Variants in ACTR3B observed in about 807,000 individuals in gnomAD.
ACTR3B encodes the protein actin-related protein 3B.
ACTR3B carries 8 observed loss-of-function variants against 59.0 expected under a neutral mutation model. The observed-to-expected ratio is 0.14, with a 90% CI of 0.08 to 0.24. ACTR3B has a LOEUF of 0.24. Ranked by LOEUF, ACTR3B falls within the 10% of genes least tolerant of loss-of-function variation. ACTR3B has a pLI of 1.00. For missense variants in ACTR3B, 245 were observed against 552.3 expected, an observed-to-expected ratio of 0.44 and a Z score of 5.58; for synonymous variants, 148 against 197.9, an observed-to-expected ratio of 0.75 and a Z score of 2.12.
chr7:152,784,633 A>C (rs987951419), intron 2 of ACTR3B, among the ~76,000 whole-genome samples: 2 of 152,120 alleles, frequency 1.3e-5, no homozygotes, highest in African/African-American at 4.8e-5. Flanking sequence ...TGGGGAAATT[A>C]ATGTTATCAT....
chr7:152,811,952 A>G (rs1443949600), intron 4 of ACTR3B: 1 of 130,500 alleles, frequency 7.7e-6, no homozygotes, highest in Non-Finnish European at 1.7e-5. Context: ...GCTCAACTTG[A>G]TAACATTTTT....
At chr7:152,825,261 A>G (rs1796478972) in intron 9 of ACTR3B, 139 bp downstream of exon 9, 1 of 898,730 alleles carries the variant, frequency 1.1e-6, no homozygotes, top group South Asian at 2.6e-5. Flanking sequence ...TAAAGACAAT[A>G]TAATTGTAAG....
At chr7:152,786,422 G>A (rs769791778) in intron 2 of ACTR3B, 11 of 225,802 alleles carry the variant, frequency 4.9e-5, no homozygotes, top group South Asian at 2.8e-4. Context: ...GGATGGTGGC[G>A]GGTGCCTGTA....
intron 9 of ACTR3B, among the ~76,000 whole-genome samples, chr7:152,830,013 TAACTC>T (rs1487421413): frequency 6.6e-6 from 1 of 152,186 alleles, no homozygotes; most frequent in Non-Finnish European, 1.5e-5. Flanking sequence ...AATACGGAAA[TAACTC>T]TAATGGGAAC....
chr7:152,767,721 A>AT (rs1461850956), intron 1 of ACTR3B, among the ~76,000 whole-genome samples: 11 of 150,434 alleles, frequency 7.3e-5, no homozygotes, highest in South Asian at 4.2e-4. Context: ...TATGTATTTG[A>AT]TTTTTTTTTG....
chr7:152,797,718 AT>A (rs2098222220), intron 2 of ACTR3B, among the ~76,000 whole-genome samples: 2 of 152,126 alleles, frequency 1.3e-5, no homozygotes, highest in Admixed American at 1.3e-4. Context: ...TGTAACCACC[AT>A]TCTATAGCCT....
chr7:152,829,258 G>A (rs971295389), intron 9 of ACTR3B, among the ~76,000 whole-genome samples: 6 of 151,944 alleles, frequency 3.9e-5, no homozygotes, highest in Non-Finnish European at 5.9e-5. Flanking sequence ...CCACTACACC[G>A]TACCCTCTTC....
chr7:152,835,563 A>C (rs773435602), intron 9 of ACTR3B, among the ~76,000 whole-genome samples: 3 of 152,194 alleles, frequency 2.0e-5, no homozygotes, highest in Non-Finnish European at 4.4e-5. Context: ...AGAGACACGA[A>C]GTGAGCGTGT....
intron 1 of ACTR3B, among the ~76,000 whole-genome samples, chr7:152,764,163 G>A (rs75256223): frequency 0.41 from 62,320 of 150,940 alleles, 13,554 homozygotes; most frequent in Non-Finnish European, 0.47. Context: ...ACACCACCAC[G>A]CATGGCTGTT....
At position 152,759,767 on chromosome 7, in the gene ACTR3B, A is replaced by G; in HGVS notation, c.-116A>G. 2 of 822,882 alleles carry G rather than the reference A, an allele frequency of 2.4e-6. No homozygotes were observed. Among genetic ancestry groups the G allele is most frequent in the Non-Finnish European group, 3.0e-6 (2 of 660,214 alleles). 51.0% of individuals were successfully genotyped at this position (822,882 alleles called of 1,614,324 possible). ...GCCGCCGAGCATCCGGGCTCCCGGC[A>G]GCGGCGCTGCGGCGGCTCGCGGGAG... On this transcript the variant is annotated 5_prime_UTR_variant, in exon 1 of 12. Transcript: ENST00000256001.
intron 1 of ACTR3B, among the ~76,000 whole-genome samples, chr7:152,774,898 A>G (rs1330115457): frequency 2.0e-5 from 3 of 152,168 alleles, no homozygotes; most frequent in Non-Finnish European, 4.4e-5. Context: ...TCTGGGAACA[A>G]TTTTACTTTT....
rs540833114 is a variant in ACTR3B at position 152,854,680 on chromosome 7, C to T, written c.*127C>T. 22 of 997,688 alleles carry T rather than the reference C, an allele frequency of 2.2e-5. No individual in the cohort carries two copies. Among genetic ancestry groups the T allele is most frequent in the Middle Eastern group, 3.0e-4 (1 of 3,286 alleles). The allele number at this position is 997,688 out of a possible 1,614,324, so 61.8% of individuals were successfully genotyped here. On this transcript the variant is annotated 3_prime_UTR_variant, in exon 12 of 12. Transcript: ENST00000256001. The surrounding 1 kb of genome is among the most constrained non-coding windows in gnomAD (Gnocchi z 4.9). Reference sequence around the variant, plus strand: ...CTGCCCAGCAGCGTGCTTGCATTGCCGGTGCATGAGGCGCGGCGCGGGCCC... The same window carrying T: ...CTGCCCAGCAGCGTGCTTGCATTGCTGGTGCATGAGGCGCGGCGCGGGCCC...
At chr7:152,764,902 A>G (rs2098103293) in intron 1 of ACTR3B, among the ~76,000 whole-genome samples, 1 of 151,982 alleles carries the variant, frequency 6.6e-6, no homozygotes, top group South Asian at 2.1e-4. Flanking sequence ...ATGATATCTT[A>G]ATGTCTTTGT....
chr7:152,765,003 C>T (rs915486527), intron 1 of ACTR3B, among the ~76,000 whole-genome samples: 8 of 152,086 alleles, frequency 5.3e-5, no homozygotes, highest in Non-Finnish European at 1.2e-4. Flanking sequence ...TTGGAGTGAG[C>T]ATCCTCCAAA....
At chr7:152,825,564 G>A (rs1414411909) in intron 9 of ACTR3B, among the ~76,000 whole-genome samples, 8 of 151,918 alleles carry the variant, frequency 5.3e-5, no homozygotes, top group East Asian at 1.9e-4. Context: ...CAATCCACCC[G>A]CCTTGGCCTC....
At chr7:152,845,538 C>T (rs1159964877) in intron 9 of ACTR3B, among the ~76,000 whole-genome samples, 1 of 152,218 alleles carries the variant, frequency 6.6e-6, no homozygotes, top group African/African-American at 2.4e-5. Flanking sequence ...TGACGTTTCA[C>T]GGTGAGGAAG....
Position 152,854,557 on chromosome 7 carries a change from C to T in ACTR3B, c.*4C>T. 6.2e-7 allele frequency: 1 copy of T among 1,613,812 alleles called. No homozygotes were observed. Among genetic ancestry groups the T allele is most frequent in the Non-Finnish European group, 8.5e-7 (1 of 1,179,806 alleles). On this transcript the variant is annotated 3_prime_UTR_variant, in exon 12 of 12. Coordinates refer to ENST00000256001, the MANE Select transcript of ACTR3B (RefSeq NM_020445.6). The surrounding 1 kb of genome is among the most constrained non-coding windows in gnomAD (Gnocchi z 4.9). The stretch of plus-strand genomic sequence containing the variant: ...CGTCTTTGGAGTCATGTCCTAGTGT[C>T]TGCCTGAACGCGTCGTTCGATGGTG...
intron 2 of ACTR3B, among the ~76,000 whole-genome samples, chr7:152,791,351 A>G (rs548344725): frequency 1.3e-5 from 2 of 152,292 alleles, no homozygotes; most frequent in East Asian, 1.9e-4. Flanking sequence ...TTGATTCATC[A>G]TTATAGCTGA....
At position 152,829,580 on chromosome 7, in the gene ACTR3B, G is replaced by A. The variant is rs576750089; in HGVS notation, c.951+4458G>A. Among the ~76,000 whole-genome samples the A allele has an allele frequency of 3.6e-4, 55 of 152,236 alleles. 1 individual carries two copies. Among genetic ancestry groups the A allele is most frequent in the Admixed American group, 3.3e-3 (51 of 15,300 alleles). On this transcript the variant is annotated intron_variant, in intron 9 of 11. Coordinates refer to ENST00000256001, the MANE Select transcript of ACTR3B (RefSeq NM_020445.6). ...GGGTGGGGCCTGCGGGGAAGCCTCC[G>A]TGTGAGAGCAGGTGAAAATCAGCCT...
Sources: gnomAD v4.1 joint callset for allele counts (sites outside exome capture counted in the v4.1 genomes callset) on GRCh38, gnomAD v4.1.1 for gene constraint, Gnocchi (gnomAD v3.1) non-coding constraint, MANE v1.5 for transcripts, NCBI Gene and HGNC (gene_info 2026-07-23, HGNC 2026-07-21) for gene names.